The following CFAP95 variants were observed in gnomAD, a reference collection of about 807,000 sequenced individuals.
CFAP95 encodes cilia and flagella associated protein 95, also known as cilia- and flagella-associated protein 95.
At chr9:69,890,905 A>AT in the CFAP95 span, among the ~76,000 whole-genome samples, 3 of 152,204 alleles carry the variant, frequency 2.0e-5, no homozygotes, top group South Asian at 6.2e-4. Context: ...TTAGGAAGCC[A>AT]TGGGGTCATT....
chr9:69,858,260 T>C, the CFAP95 span: 2 of 425,862 alleles, frequency 4.7e-6, no homozygotes, highest in South Asian at 2.4e-5. Flanking sequence ...ATACTCGTGG[T>C]TCTGTCATGG....
At chr9:69,876,455 C>G in the CFAP95 span, among the ~76,000 whole-genome samples, 1 of 151,794 alleles carries the variant, frequency 6.6e-6, no homozygotes, top group Non-Finnish European at 1.5e-5. Context: ...ATTGCTTGAA[C>G]CTGGGAGGCA....
chr9:69,829,053 A>G, the CFAP95 span, among the ~76,000 whole-genome samples: 1 of 152,162 alleles, frequency 6.6e-6, no homozygotes, highest in Non-Finnish European at 1.5e-5. Flanking sequence ...TATGTTGGGT[A>G]AAAAGGATGA....
the CFAP95 span, among the ~76,000 whole-genome samples, chr9:69,848,161 G>A: frequency 6.6e-6 from 1 of 152,200 alleles, no homozygotes; most frequent in African/African-American, 2.4e-5. Flanking sequence ...ACTGGTCAGA[G>A]GAAGCAGAGC....
the CFAP95 span, among the ~76,000 whole-genome samples, chr9:69,834,610 AT>A: frequency 6.6e-6 from 1 of 152,234 alleles, no homozygotes; most frequent in South Asian, 2.1e-4. Context: ...TCCTTCCAAT[AT>A]TTTCCATAGG....
the CFAP95 span, among the ~76,000 whole-genome samples, chr9:69,898,176 T>C: frequency 2.0e-5 from 3 of 152,192 alleles, no homozygotes; most frequent in Non-Finnish European, 4.4e-5. Flanking sequence ...TTTTGTCAGA[T>C]GCTACTCTGG....
the CFAP95 span, among the ~76,000 whole-genome samples, chr9:69,885,276 C>T: frequency 1.3e-5 from 2 of 152,126 alleles, no homozygotes; most frequent in Non-Finnish European, 2.9e-5. Context: ...GTTTCTTTGG[C>T]CATCCAGTCC....
At chr9:69,871,880 A>G in the CFAP95 span, among the ~76,000 whole-genome samples, 3 of 152,154 alleles carry the variant, frequency 2.0e-5, no homozygotes, top group Non-Finnish European at 4.4e-5. Context: ...TTTATTTAAA[A>G]CACAAAGATA....
At chr9:69,859,531 C>G in the CFAP95 span, among the ~76,000 whole-genome samples, 7 of 152,036 alleles carry the variant, frequency 4.6e-5, no homozygotes, top group African/African-American at 1.7e-4. Context: ...AGACATTTTC[C>G]TCAAGCACCT....
the CFAP95 span, among the ~76,000 whole-genome samples, chr9:69,827,129 C>T: frequency 1.3e-5 from 2 of 152,128 alleles, no homozygotes; most frequent in South Asian, 2.1e-4. Context: ...TGTGTCATAC[C>T]ATCAAGAACT....
the CFAP95 span, among the ~76,000 whole-genome samples, chr9:69,872,147 C>A: frequency 6.6e-6 from 1 of 152,122 alleles, no homozygotes; most frequent in Non-Finnish European, 1.5e-5. Context: ...GACTGCAGAG[C>A]CTGTGTCATT....
At chr9:69,824,127 T>C in the CFAP95 span, among the ~76,000 whole-genome samples, 2 of 151,362 alleles carry the variant, frequency 1.3e-5, no homozygotes, top group Admixed American at 1.3e-4. Flanking sequence ...TATCATCTGA[T>C]TTTTGCAAAA....
the CFAP95 span, chr9:69,820,873 G>A: frequency 6.2e-7 from 1 of 1,613,756 alleles, no homozygotes; most frequent in Non-Finnish European, 8.5e-7. Flanking sequence ...GTACCTCGAG[G>A]GCTCCCATGG....
the CFAP95 span, among the ~76,000 whole-genome samples, chr9:69,833,245 C>T: frequency 6.6e-6 from 1 of 152,162 alleles, no homozygotes; most frequent in African/African-American, 2.4e-5. Flanking sequence ...ATAGATTTGC[C>T]TATTCTGGGC....
At chr9:69,870,884 G>T in the CFAP95 span, among the ~76,000 whole-genome samples, 6 of 152,102 alleles carry the variant, frequency 3.9e-5, no homozygotes, top group Admixed American at 6.6e-5. Flanking sequence ...CAGATCAACA[G>T]GAGAGAAGGG....
chr9:69,898,715 A>C, the CFAP95 span, among the ~76,000 whole-genome samples: 1 of 152,088 alleles, frequency 6.6e-6, no homozygotes, highest in Non-Finnish European at 1.5e-5. Flanking sequence ...AATGTTCTTT[A>C]TAGCTATTTT....
the CFAP95 span, among the ~76,000 whole-genome samples, chr9:69,870,399 T>C: frequency 1.3e-5 from 2 of 152,180 alleles, no homozygotes; most frequent in African/African-American, 2.4e-5. Flanking sequence ...ATTTATTTGG[T>C]CACCTGGCAT....
At chr9:69,833,366 C>T in the CFAP95 span, among the ~76,000 whole-genome samples, 16 of 152,052 alleles carry the variant, frequency 1.1e-4, no homozygotes, top group South Asian at 2.1e-4. Flanking sequence ...CTTAATAATA[C>T]GTCATTATGT....
chr9:69,821,455 G>C, the CFAP95 span, among the ~76,000 whole-genome samples: 1 of 152,072 alleles, frequency 6.6e-6, no homozygotes, highest in Non-Finnish European at 1.5e-5. Context: ...TATAAATAGG[G>C]GGTGAAAAGG....
Sources: allele counts gnomAD v4.1 joint callset (sites outside exome capture counted in the v4.1 genomes callset), GRCh38; gene constraint gnomAD v4.1.1; transcripts MANE v1.5; gene names NCBI Gene and HGNC (gene_info 2026-07-23, HGNC 2026-07-21).